COL5A1: variants seen among roughly 807,000 people sequenced by gnomAD.
COL5A1 encodes the protein collagen alpha-1(V) chain.
COL5A1 carries 16 observed loss-of-function variants against 263.7 expected under a neutral mutation model. The ratio of observed to expected loss-of-function variants is 0.06; its 90% CI spans 0.04 to 0.09. The LOEUF (loss-of-function observed/expected upper bound fraction) is 0.09, where lower values mean the gene tolerates loss of function less well. Among genes scored for constraint, COL5A1 ranks in the 10% least tolerant of loss-of-function variants. COL5A1 has a pLI of 1.00. For synonymous variants in COL5A1, 1,012 were observed against 1,004.5 expected (o/e 1.01, Z -0.14); for missense variants, 2,036 against 2,540.5 (o/e 0.80, Z 4.27).
At chr9:134,684,566 G>A (rs982260037) in intron 1 of COL5A1, among the ~76,000 whole-genome samples, 4 of 152,220 alleles carry the variant, frequency 2.6e-5, no homozygotes, top group Non-Finnish European at 5.9e-5. Context: ...ACCTGGGTGC[G>A]CTGAGCACTG....
chr9:134,834,906 G>A (rs1839791595), intron 64 of COL5A1, 65 bp from the exon 65 acceptor site: 8 of 1,149,572 alleles, frequency 7.0e-6, no homozygotes, highest in Non-Finnish European at 1.0e-5. Flanking sequence ...GGGCAGTGCG[G>A]ACGTGGGGCT....
At chr9:134,781,629 G>A (rs576858753) in intron 28 of COL5A1, among the ~76,000 whole-genome samples, 2 of 152,340 alleles carry the variant, frequency 1.3e-5, no homozygotes, top group South Asian at 4.1e-4. Context: ...CTTGCCAGGA[G>A]AGCTCCCGCA....
rs137862320 is a variant in COL5A1, at chr9:134,818,762, T to G, written c.4337T>G (p.Val1446Gly). 2 of 1,612,270 alleles carry G rather than the reference T, an allele frequency of 1.2e-6. No individual in the cohort carries two copies. Among genetic ancestry groups the G allele is most frequent in the Non-Finnish European group, 1.7e-6 (2 of 1,179,590 alleles). The change falls in exon 55 of 66, where the codon GTG (valine) becomes GGG (glycine). Residue 1446 changes from valine (V) to glycine (G), a missense_variant and splice_region_variant. By Grantham distance (109) the Val-to-Gly change is moderately radical. Transcript: ENST00000371817. The surrounding 1 kb of genome is among the most constrained non-coding windows in gnomAD (Gnocchi z 6.0). The part of the protein sequence containing the change: ...PDGLRGIPGP[V>G]GEQGLPGSPG... ...GGCCTTCGAGGGATCCCTGGCCCTG[T>G]GGTGAGTAGGCTGTGAGGGGCAGAG...
Position 134,700,068 on chromosome 9 carries a change from A to T in COL5A1, c.437A>T (p.Lys146Met). 6.2e-7 allele frequency: 1 copy of T among 1,612,516 alleles called. No homozygotes were observed. Among genetic ancestry groups the T allele is most frequent in the Non-Finnish European group, 8.5e-7 (1 of 1,180,030 alleles). ...PVFLYEDHTG[K>M]PGPEDYPLFR... ...TTCCTCTACGAGGACCACACGGGGA[A>T]GCCTGGCCCGGAAGACTACCCCCTC... Residue 146 changes from lysine to methionine, a missense_variant, in exon 3 of 66, where the codon AAG (lysine) becomes ATG (methionine). Lys to Met is a moderately conservative substitution (Grantham distance 95, BLOSUM62 -1). Coordinates refer to ENST00000371817, the MANE Select transcript of COL5A1 (RefSeq NM_000093.5). The surrounding 1 kb of genome is among the most constrained non-coding windows in gnomAD (Gnocchi z 4.0).
rs145620416 is a variant in COL5A1 at position 134,732,063 on chromosome 9, A to G, written c.1333-8A>G. On this transcript the variant is annotated splice_polypyrimidine_tract_variant and splice_region_variant and intron_variant, in intron 8 of 65. Transcript: ENST00000371817. ...ATTCTCTTTCCATCTGCCTTTTATC[A>G]CCCCCAGATTGGAGGACCTCGGGGC... 6.3e-4 allele frequency: 1,024 copies of G among 1,613,064 alleles called. 3 individuals carry two copies. In the African/African-American group the frequency reaches 0.012, roughly 19 times the overall value.
At chr9:134,817,933 C>T (rs1838826799) in intron 54 of COL5A1, 102 bp downstream of exon 54, 1 of 1,230,528 alleles carries the variant, frequency 8.1e-7, no homozygotes, top group Admixed American at 2.0e-5. Context: ...TCCATGGAGG[C>T]TGAGAGTGGC....
Position 134,818,533 on chromosome 9 carries a change from C to A in COL5A1, c.4231-123C>A. 7.0e-6 allele frequency: 5 copies of A among 714,326 alleles called. No individual in the cohort carries two copies. The highest frequency in any genetic ancestry group is 1.6e-5 in the South Asian group (1 of 62,516). 44.2% of individuals were successfully genotyped at this position (714,326 alleles called of 1,614,324 possible). On this transcript the variant is annotated intron_variant, in intron 54 of 65. Transcript: ENST00000371817. The surrounding 1 kb of genome is among the most constrained non-coding windows in gnomAD (Gnocchi z 6.0). ...AATGAAATGTGGAGAATTAGGGCAACCCCGGATATGGGGTCACCTGGGACT... is the reference window on the plus strand; with the variant it reads ...AATGAAATGTGGAGAATTAGGGCAAACCCGGATATGGGGTCACCTGGGACT...
At position 134,794,999 on chromosome 9, in the gene COL5A1, T is replaced by A; in HGVS notation, c.2701-83T>A. 8.1e-6 allele frequency: 12 copies of A among 1,478,212 alleles called. No individual in the cohort carries two copies. In the South Asian group the frequency reaches 1.4e-4, roughly 17 times the overall value. 91.6% of individuals were successfully genotyped at this position (1,478,212 alleles called of 1,614,324 possible). A position where few individuals can be genotyped will look rare whatever the true frequency, so the allele number is the denominator to read the frequency against. ...CCTATCCTGCTCTGAATTCACAGTC[T>A]CTCAATAACCCGGGAGACAGCTGCC... On this transcript the variant is annotated intron_variant, in intron 32 of 65. Coordinates refer to ENST00000371817, the MANE Select transcript of COL5A1 (RefSeq NM_000093.5). This position sits in a 1 kb window ranked among gnomAD's most constrained non-coding sequence, Gnocchi z 4.3.
At chr9:134,786,084 C>A (rs371145221) in intron 31 of COL5A1, 36 bp downstream of exon 31, 1 of 1,571,422 alleles carries the variant, frequency 6.4e-7, no homozygotes, top group Non-Finnish European at 8.7e-7. Context: ...CCGGGACAGG[C>A]GGAGGGATGT....
chr9:134,820,315 C>A, intron 58 of COL5A1, 92 bp downstream of exon 58: 2 of 976,862 alleles, frequency 2.0e-6, no homozygotes, highest in Non-Finnish European at 3.2e-6. Context: ...CCCATCAGAG[C>A]CCGGAAGGAC....
At chr9:134,689,092 C>T (rs1364306365) in intron 1 of COL5A1, among the ~76,000 whole-genome samples, 1 of 152,194 alleles carries the variant, frequency 6.6e-6, no homozygotes, top group Non-Finnish European at 1.5e-5. Context: ...AGACAGAGTC[C>T]TCCGTCTGGG....
intron 30 of COL5A1, 124 bp downstream of exon 30, chr9:134,785,220 C>A: frequency 2.9e-6 from 2 of 690,186 alleles, no homozygotes; most frequent in Non-Finnish European, 2.5e-6. Context: ...CCTGAGCGGG[C>A]TCCTGTCTCC....
intron 51 of COL5A1, 109 bp from the exon 52 acceptor site, chr9:134,815,826 C>T (rs1838725105): frequency 7.2e-7 from 1 of 1,397,420 alleles, no homozygotes; most frequent in Non-Finnish European, 1.0e-6. Context: ...TGTGCTGGCA[C>T]CAGAATGGAT....
At chr9:134,804,822 A>G (rs1192003530) in intron 39 of COL5A1, among the ~76,000 whole-genome samples, 153 bp from the exon 40 acceptor site, 2 of 151,678 alleles carry the variant, frequency 1.3e-5, no homozygotes, top group African/African-American at 4.8e-5. Context: ...TCCAGGAGAG[A>G]AGGCCCCAAC....
Position 134,765,753 on chromosome 9 carries a change from C to A in COL5A1, c.2088+19C>A, listed in dbSNP as rs1836639050. 1.9e-6 allele frequency: 3 copies of A among 1,609,382 alleles called. No homozygotes were observed. The South Asian group carries it at 3.3e-5, about 18-fold the overall frequency. ...ACCTCCCGTAAGTCCCATTACCGCC[C>A]TGCTTGTCTGCCCCCATCTCGGCCT... On this transcript the variant is annotated intron_variant, in intron 21 of 65. Transcript: ENST00000371817. The surrounding 1 kb of genome is among the most constrained non-coding windows in gnomAD (Gnocchi z 5.1).
chr9:134,768,482 C>G lies in COL5A1; in HGVS notation c.2286+19C>G. 2 of 1,613,012 alleles carry G rather than the reference C, an allele frequency of 1.2e-6. No homozygotes were observed. On this transcript the variant is annotated intron_variant, in intron 25 of 65. Transcript: ENST00000371817. Reference sequence around the variant, plus strand: ...ACCCCCGGTGAGTAGCCCTGCCCACCTCATCCCTCCATACTCTCCCCACCT... The same window carrying G: ...ACCCCCGGTGAGTAGCCCTGCCCACGTCATCCCTCCATACTCTCCCCACCT...
chr9:134,830,345 C>T (rs917396120), intron 64 of COL5A1: 30 of 662,142 alleles, frequency 4.5e-5, no homozygotes, highest in Non-Finnish European at 6.5e-5. Flanking sequence ...CTCTCCCCAG[C>T]CCCCGCCACC....
chr9:134,709,834 G>A (rs1833964219), intron 4 of COL5A1, among the ~76,000 whole-genome samples: 1 of 152,204 alleles, frequency 6.6e-6, no homozygotes, highest in Non-Finnish European at 1.5e-5. Context: ...TGGCACTGAG[G>A]GTCTCTGGGA....
rs930793887 is a variant in COL5A1 at position 134,760,952 on chromosome 9, C to T, written c.1936-973C>T. The stretch of plus-strand genomic sequence containing the variant: ...ACATGCACACACATGCATACACACC[C>T]GCCACACACATACACACATGTATAC... On this transcript the variant is annotated intron_variant, in intron 18 of 65. Coordinates refer to ENST00000371817, the MANE Select transcript of COL5A1 (RefSeq NM_000093.5). Among the ~76,000 whole-genome samples, 8 of 150,164 alleles carry T rather than the reference C, an allele frequency of 5.3e-5. No individual in the cohort carries two copies. In the South Asian group the frequency reaches 8.4e-4, roughly 16 times the overall value.
Sources: allele counts gnomAD v4.1 joint callset (sites outside exome capture counted in the v4.1 genomes callset), GRCh38; gene constraint gnomAD v4.1.1; non-coding constraint Gnocchi (gnomAD v3.1); transcripts MANE v1.5; gene names NCBI Gene and HGNC (gene_info 2026-07-23, HGNC 2026-07-21).